GPHN: variants seen among roughly 807,000 people sequenced by gnomAD.
The protein encoded by GPHN is gephyrin.
GPHN carries 17 observed loss-of-function variants against 95.5 expected under a neutral mutation model. That is an observed-to-expected ratio of 0.18 (90% CI 0.12 to 0.27). The LOEUF is 0.27. GPHN is among the 10% of genes least tolerant of loss of function. The probability of loss-of-function intolerance (pLI) is 1.00; values close to 1 mark genes in which losing one functional copy is unlikely to be tolerated. For synonymous variants in GPHN, 320 were observed against 322.5 expected (o/e 0.99, Z 0.08); for missense variants, 660 against 978.1 (o/e 0.67, Z 4.34).
At chr14:66,763,654 A>G (rs528233850) in intron 2 of GPHN, among the ~76,000 whole-genome samples, 20 of 151,790 alleles carry the variant, frequency 1.3e-4, no homozygotes, top group African/African-American at 4.6e-4. Flanking sequence ...TGGACATTTT[A>G]TATAATATTC....
the GPHN span, among the ~76,000 whole-genome samples, chr14:67,714,352 G>A: frequency 6.6e-6 from 1 of 151,904 alleles, no homozygotes; most frequent in Non-Finnish European, 1.5e-5. Context: ...GTTGCTCTTG[G>A]TCTCAAACTC....
chr14:66,961,947 TACAC>T (rs1159946347), intron 8 of GPHN, among the ~76,000 whole-genome samples: 10 of 75,104 alleles, frequency 1.3e-4, no homozygotes, highest in African/African-American at 9.4e-4. Flanking sequence ...TATATATATA[TACAC>T]ATATCTCCCA....
intron 3 of GPHN, among the ~76,000 whole-genome samples, chr14:66,807,316 A>C (rs1780216191): frequency 6.6e-6 from 1 of 152,176 alleles, no homozygotes; most frequent in South Asian, 2.1e-4. Flanking sequence ...ACACAGCCAA[A>C]CCATATCATC....
At chr14:67,503,222 T>C in the GPHN span, among the ~76,000 whole-genome samples, 1 of 152,164 alleles carries the variant, frequency 6.6e-6, no homozygotes, top group Non-Finnish European at 1.5e-5. Context: ...AGAAGTGGTT[T>C]TGGTTAAACA....
chr14:67,395,603 G>A, the GPHN span: 7 of 1,612,610 alleles, frequency 4.3e-6, no homozygotes, highest in Non-Finnish European at 5.1e-6. Context: ...GAGAGAGCCA[G>A]TCAGGCCAGC....
the GPHN span, chr14:67,199,360 C>G: frequency 6.2e-7 from 1 of 1,614,016 alleles, no homozygotes; most frequent in Non-Finnish European, 8.5e-7. Flanking sequence ...ATGTAGGGGC[C>G]AACATTTTCA....
intron 2 of GPHN, among the ~76,000 whole-genome samples, chr14:66,765,092 G>T (rs1013195293): frequency 6.6e-6 from 1 of 152,134 alleles, no homozygotes; most frequent in Non-Finnish European, 1.5e-5. Flanking sequence ...TGAGTAAAAA[G>T]AACAGAAGGG....
chr14:67,060,736 A>T (rs2075791972), intron 11 of GPHN, among the ~76,000 whole-genome samples: 2 of 152,130 alleles, frequency 1.3e-5, no homozygotes, highest in African/African-American at 4.8e-5. Flanking sequence ...ATTCCTTGAA[A>T]AGCTTTCTTT....
At chr14:67,687,704 C>T in the GPHN span, among the ~76,000 whole-genome samples, 10 of 151,784 alleles carry the variant, frequency 6.6e-5, no homozygotes, top group Non-Finnish European at 1.0e-4. Flanking sequence ...CTCCTGACCT[C>T]AGGTGATCTA....
chr14:67,148,199 C>T (rs1003243292), intron 18 of GPHN, among the ~76,000 whole-genome samples: 4 of 152,102 alleles, frequency 2.6e-5, no homozygotes, highest in Admixed American at 6.5e-5. Context: ...CTTTGTTCTT[C>T]GCTTTTTTAT....
intron 17 of GPHN, among the ~76,000 whole-genome samples, chr14:67,141,720 A>G (rs1388367830): frequency 6.6e-6 from 1 of 152,166 alleles, no homozygotes; most frequent in Non-Finnish European, 1.5e-5. Context: ...CCTCCTGACT[A>G]GCTTATCTCT....
chr14:66,838,044 A>G (rs969739148), intron 4 of GPHN, among the ~76,000 whole-genome samples: 4 of 152,126 alleles, frequency 2.6e-5, no homozygotes, highest in African/African-American at 9.7e-5. Context: ...TCTGCTCTGT[A>G]ATGGGGCATA....
At chr14:66,675,146 G>GT (rs60014934) in intron 1 of GPHN, among the ~76,000 whole-genome samples, 2,968 of 135,380 alleles carry the variant, frequency 0.022, 52 homozygotes, top group African/African-American at 0.028. Context: ...TCTTTTTCCA[G>GT]TTTTTTTTTT....
chr14:66,989,187 A>T (rs1354307218), intron 9 of GPHN, among the ~76,000 whole-genome samples: 1 of 151,978 alleles, frequency 6.6e-6, no homozygotes, highest in Non-Finnish European at 1.5e-5. Flanking sequence ...ACATATTCTT[A>T]TAGAATTTTG....
chr14:67,144,251 ATATATATATAT>A (rs1237225029), intron 18 of GPHN, among the ~76,000 whole-genome samples: 3 of 41,266 alleles, frequency 7.3e-5, no homozygotes, highest in African/African-American at 1.2e-4. Flanking sequence ...AAAAAAAAAA[ATATATATATAT>A]ATATATATAT....
chr14:67,009,957 C>T (rs2072872976), intron 9 of GPHN, among the ~76,000 whole-genome samples: 1 of 151,770 alleles, frequency 6.6e-6, no homozygotes, highest in South Asian at 2.1e-4. Flanking sequence ...TGGGGTTTCA[C>T]CATGTTGGCC....
At chr14:67,579,001 G>C in the GPHN span, 55 of 666,970 alleles carry the variant, frequency 8.2e-5, 1 homozygote, top group South Asian at 1.4e-4. Flanking sequence ...TCCCAGACCA[G>C]AGTCTTCAGG....
chr14:67,173,231 C>G (rs144152694), intron 21 of GPHN, among the ~76,000 whole-genome samples: 1 of 152,212 alleles, frequency 6.6e-6, no homozygotes, highest in African/African-American at 2.4e-5. Flanking sequence ...CTCTAAGCAC[C>G]TGTACCAGGA....
At chr14:67,585,966 TAC>T in the GPHN span, 1 of 1,613,320 alleles carries the variant, frequency 6.2e-7, no homozygotes, top group South Asian at 1.1e-5. Flanking sequence ...GCACATCACT[TAC>T]CCCTACTCTT....
Sources: allele counts gnomAD v4.1 joint callset (sites outside exome capture counted in the v4.1 genomes callset), GRCh38; gene constraint gnomAD v4.1.1; transcripts MANE v1.5; gene names NCBI Gene and HGNC (gene_info 2026-07-23, HGNC 2026-07-21).